Variants in CSMD3 observed in about 807,000 individuals in gnomAD.
The protein encoded by CSMD3 is CUB and sushi domain-containing protein 3.
A neutral mutation model predicts 435.2 loss-of-function variants in CSMD3; 177 were observed. That is an observed-to-expected ratio of 0.41 (90% CI 0.36 to 0.46). The LOEUF is 0.46. Among genes scored for constraint, CSMD3 ranks in the 20% least tolerant of loss-of-function variants. The pLI, the probability that CSMD3 is intolerant of heterozygous loss-of-function variation, is 0.34. For missense variants in CSMD3, 4,265 were observed against 4,504.6 expected (o/e 0.95, Z 1.52); for synonymous variants, 1,656 against 1,520.5 (o/e 1.09, Z -2.07).
chr8:112,877,088 A>T (rs2081304932), intron 10 of CSMD3, among the ~76,000 whole-genome samples: 2 of 152,148 alleles, frequency 1.3e-5, no homozygotes, highest in Admixed American at 6.6e-5. Flanking sequence ...ACTACAAACC[A>T]CTGCTCAAGG....
At chr8:112,302,837 C>T (rs1821070271) in intron 52 of CSMD3, among the ~76,000 whole-genome samples, 1 of 150,940 alleles carries the variant, frequency 6.6e-6, no homozygotes, top group Non-Finnish European at 1.5e-5. Context: ...TTTGAGGTCG[C>T]TATTAATATT....
At chr8:112,358,969 T>C (rs907005154) in intron 38 of CSMD3, among the ~76,000 whole-genome samples, 1 of 152,202 alleles carries the variant, frequency 6.6e-6, no homozygotes, top group African/African-American at 2.4e-5. Context: ...ACTAAAAACA[T>C]AGTAAAAGTA....
At chr8:113,354,800 C>T (rs1184841760) in intron 1 of CSMD3, among the ~76,000 whole-genome samples, 4 of 151,902 alleles carry the variant, frequency 2.6e-5, no homozygotes, top group South Asian at 2.1e-4. Context: ...TTACCATGCC[C>T]GACTATTTTT....
Position 113,249,300 on chromosome 8 carries a change from C to T in CSMD3, c.514+29292G>A, listed in dbSNP as rs981899081. On this transcript the variant is annotated intron_variant, in intron 3 of 70. Coordinates refer to ENST00000297405, the MANE Select transcript of CSMD3 (RefSeq NM_198123.2). ...TTAGCAGTGTGAGAGCAGACTAATA[C>T]AGTTATAACCTATGAAAACAGTAAA... Among the ~76,000 whole-genome samples, 9 of 152,134 alleles carry T rather than the reference C, an allele frequency of 5.9e-5. No individual in the cohort carries two copies. In the East Asian group the frequency reaches 7.7e-4, roughly 13 times the overall value.
chr8:112,988,435 T>G (rs1026422809), intron 6 of CSMD3, among the ~76,000 whole-genome samples: 6 of 152,092 alleles, frequency 3.9e-5, no homozygotes, highest in Admixed American at 2.6e-4. Context: ...TTGATACCTC[T>G]ATGTTCTATT....
intron 2 of CSMD3, among the ~76,000 whole-genome samples, chr8:113,296,134 C>T (rs1287545667): frequency 6.6e-6 from 1 of 151,208 alleles, no homozygotes; most frequent in African/African-American, 2.4e-5. Flanking sequence ...ACATCACACA[C>T]TGGGGCCTGT....
chr8:112,699,648 G>A (rs749570606), intron 13 of CSMD3, among the ~76,000 whole-genome samples: 3 of 152,160 alleles, frequency 2.0e-5, no homozygotes, highest in African/African-American at 4.8e-5. Context: ...ACTAATGATC[G>A]CATAGGACGT....
rs1440277768 is a variant in CSMD3 at position 113,088,652 on chromosome 8, T to C, written c.917+10104A>G. ...GCATGTTCTCACTCATAGGTGGGAA[T>C]TGAACAATGAGAACACATGGACACA... On this transcript the variant is annotated intron_variant, in intron 5 of 70. Coordinates refer to ENST00000297405, the MANE Select transcript of CSMD3 (RefSeq NM_198123.2). Among the ~76,000 whole-genome samples, 7 of 141,270 alleles carry C rather than the reference T, an allele frequency of 5.0e-5. No individual in the cohort carries two copies. The Admixed American group carries it at 5.3e-4, about 11-fold the overall frequency. The allele number at this position is 141,270 out of a possible 152,430, so 92.7% of individuals were successfully genotyped here. A position where few individuals can be genotyped will look rare whatever the true frequency, so the allele number is the denominator to read the frequency against.
intron 1 of CSMD3, among the ~76,000 whole-genome samples, chr8:113,316,918 G>A (rs1035231709): frequency 5.3e-5 from 8 of 152,150 alleles, no homozygotes; most frequent in African/African-American, 1.9e-4. Context: ...TCAGGGCTTG[G>A]TTGACCAATA....
chr8:112,879,658 T>G (rs2081393299), intron 10 of CSMD3, among the ~76,000 whole-genome samples: 1 of 152,090 alleles, frequency 6.6e-6, no homozygotes, highest in South Asian at 2.1e-4. Flanking sequence ...CACCCAGCTT[T>G]AAAATTTCTC....
chr8:112,714,779 C>A lies in CSMD3; in HGVS notation c.1973-24729G>T, dbSNP rs566206868. 1.1e-4 allele frequency among the ~76,000 whole-genome samples: 16 copies of A among 152,202 alleles called. No homozygotes were observed. The South Asian group carries it at 3.3e-3, about 32-fold the overall frequency. Reference sequence around the variant, plus strand: ...CTCAGGATTATGAAACACTCAAAACCACACAACTACATGGAAATTGAATAA... The same window carrying A: ...CTCAGGATTATGAAACACTCAAAACAACACAACTACATGGAAATTGAATAA... On this transcript the variant is annotated intron_variant, in intron 13 of 70. Transcript: ENST00000297405.
Position 112,314,585 on chromosome 8 carries a change from A to G in CSMD3, c.7393T>C (p.Ser2465Pro), listed in dbSNP as rs752523533. The change falls in exon 48 of 71, where the codon TCT (serine) becomes CCT (proline). Residue 2465 changes from serine (S) to proline (P), a missense_variant. Ser to Pro is a moderately conservative substitution (Grantham distance 74). Coordinates refer to ENST00000297405, the MANE Select transcript of CSMD3 (RefSeq NM_198123.2). ...CCAGGGCTCAATATGACTCCAGTAG[A>G]ATCTAGCCGTAATTCATTGGCAGGA... ...LCPANELRLD[S>P]TGVILSPGYP... The G allele has an allele frequency of 6.2e-7, 1 of 1,612,800 alleles. No individual in the cohort carries two copies. Among genetic ancestry groups the G allele is most frequent in the Non-Finnish European group, 8.5e-7 (1 of 1,179,030 alleles).
chr8:112,741,757 T>C (rs528233218), intron 13 of CSMD3, among the ~76,000 whole-genome samples: 1 of 149,800 alleles, frequency 6.7e-6, no homozygotes, highest in African/African-American at 2.4e-5. Flanking sequence ...GCAATATAGA[T>C]AAATGATAGA....
At chr8:113,365,307 A>G (rs2094304241) in intron 1 of CSMD3, among the ~76,000 whole-genome samples, 1 of 152,108 alleles carries the variant, frequency 6.6e-6, no homozygotes, top group Non-Finnish European at 1.5e-5. Flanking sequence ...GAGAAAAGTT[A>G]CCTTAAACAT....
At chr8:113,302,252 T>G (rs1462307845) in intron 2 of CSMD3, among the ~76,000 whole-genome samples, 1 of 133,608 alleles carries the variant, frequency 7.5e-6, no homozygotes, top group South Asian at 2.2e-4. Context: ...ATAATATATA[T>G]TATATAAAAT....
intron 1 of CSMD3, among the ~76,000 whole-genome samples, chr8:113,343,866 T>C (rs1454877284): frequency 6.6e-6 from 1 of 152,060 alleles, no homozygotes; most frequent in East Asian, 1.9e-4. Context: ...GGTCAGGAGA[T>C]TTGAGACCAT....
chr8:112,430,693 C>T (rs1813569461), intron 32 of CSMD3, among the ~76,000 whole-genome samples: 1 of 151,888 alleles, frequency 6.6e-6, no homozygotes, highest in African/African-American at 2.4e-5. Context: ...AAAGCCTATG[C>T]CAAGCATTAG....
At position 112,306,054 on chromosome 8, in the gene CSMD3, T is replaced by G. The variant is rs761543610; in HGVS notation, c.8024A>C (p.Gln2675Pro). Residue 2675 changes from glutamine (Q) to proline (P), a missense_variant, in exon 51 of 71, where the codon CAA becomes CCA. Gln to Pro is a moderately conservative substitution (Grantham distance 76). Transcript: ENST00000297405. ...SSKELTTAVC[Q>P]SDGTWSNHNK... ...ATGATTGCTCCATGTTCCATCTGAT[T>G]GGCATACAGCTGTAGTGAGTTCTTT... 6.2e-7 allele frequency: 1 copy of G among 1,613,946 alleles called. No homozygotes were observed. Among genetic ancestry groups the G allele is most frequent in the South Asian group, 1.1e-5 (1 of 91,086 alleles).
At position 113,161,201 on chromosome 8, in the gene CSMD3, T is replaced by C. The variant is rs139980744; in HGVS notation, c.709+12521A>G. Among the ~76,000 whole-genome samples, 757 of 152,224 alleles carry C rather than the reference T, an allele frequency of 5.0e-3. 6 individuals carry two copies. The Middle Eastern group carries it at 0.079, about 16-fold the overall frequency. On this transcript the variant is annotated intron_variant, in intron 4 of 70. Coordinates refer to ENST00000297405, the MANE Select transcript of CSMD3 (RefSeq NM_198123.2). ...TAGATTCACACCAAAGGCAAGTAAT[T>C]GGTATAGCATTGCTTCAATGAATTC... is the stretch of plus-strand genomic sequence containing the variant.
Sources: gnomAD v4.1 joint callset for allele counts (sites outside exome capture counted in the v4.1 genomes callset) on GRCh38, gnomAD v4.1.1 for gene constraint, MANE v1.5 for transcripts, NCBI Gene and HGNC (gene_info 2026-07-23, HGNC 2026-07-21) for gene names.